DAG1: variants seen among roughly 807,000 people sequenced by gnomAD.
DAG1 encodes dystroglycan 1.
Under a neutral mutation model 46.1 loss-of-function variants are expected in DAG1, and 8 were observed. The observed-to-expected ratio is 0.17, with a 90% confidence interval of 0.10 to 0.31. The LOEUF (loss-of-function observed/expected upper bound fraction) is 0.31, where lower values mean the gene tolerates loss of function less well. Ranked by LOEUF, DAG1 falls within the 10% of genes least tolerant of loss-of-function variation. The pLI is 1.00. For synonymous variants in DAG1, 495 were observed against 481.8 expected (o/e 1.03, Z -0.36); for missense variants, 1,003 against 1,189.9 (o/e 0.84, Z 2.31).
chr3:49,526,104 G>A (rs1418248882), intron 2 of DAG1, among the ~76,000 whole-genome samples: 1 of 152,192 alleles, frequency 6.6e-6, no homozygotes, highest in Non-Finnish European at 1.5e-5. Context: ...ACCCACCTCA[G>A]CCTCCCAAAG....
Position 49,528,865 on chromosome 3 carries a change from T to C in DAG1, c.286-1932T>C, listed in dbSNP as rs535655015. 1.7e-3 allele frequency among the ~76,000 whole-genome samples: 253 copies of C among 151,928 alleles called. 1 individual carries two copies. The highest frequency in any genetic ancestry group is 5.4e-3 in the African/African-American group (225 of 41,414). On this transcript the variant is annotated intron_variant, in intron 2 of 2. Transcript: ENST00000308775. ...ATAATAACGCCTTTTTTTTTTTTTTTTCTGAGATGGAGTCTCACTCTGTCA... is the reference window on the plus strand; with the variant it reads ...ATAATAACGCCTTTTTTTTTTTTTTCTCTGAGATGGAGTCTCACTCTGTCA...
At chr3:49,485,180 G>A (rs2049990727) in intron 1 of DAG1, among the ~76,000 whole-genome samples, 1 of 151,992 alleles carries the variant, frequency 6.6e-6, no homozygotes, top group Non-Finnish European at 1.5e-5. Context: ...GTAGAGATGG[G>A]GTTTCACCGT....
rs540055669 is a variant in DAG1, at chr3:49,496,261, C to T, written c.-116-14158C>T. On this transcript the variant is annotated intron_variant, in intron 1 of 2. Coordinates refer to ENST00000308775, the MANE Select transcript of DAG1 (RefSeq NM_004393.6). ...AGTCATGGCTCATGGCAGCCTCAAC[C>T]TCCCAGGCTCAAGCAGTCCTCCCAC... Among the ~76,000 whole-genome samples the T allele has an allele frequency of 2.0e-5, 3 of 152,234 alleles. No homozygotes were observed. The East Asian group carries it at 5.8e-4, about 29-fold the overall frequency.
At chr3:49,529,621 G>A (rs927725318) in intron 2 of DAG1, among the ~76,000 whole-genome samples, 4 of 152,194 alleles carry the variant, frequency 2.6e-5, no homozygotes, top group African/African-American at 9.7e-5. Flanking sequence ...GTCCTAAGCT[G>A]AGTCTGGGAG....
At chr3:49,500,221 C>A (rs1156717247) in intron 1 of DAG1, among the ~76,000 whole-genome samples, 1 of 152,068 alleles carries the variant, frequency 6.6e-6, no homozygotes, top group Admixed American at 6.6e-5. Flanking sequence ...CCATGTTGGC[C>A]GGGCTGGTCT....
intron 1 of DAG1, among the ~76,000 whole-genome samples, chr3:49,476,627 A>T (rs1045947305): frequency 2.0e-5 from 3 of 152,174 alleles, no homozygotes; most frequent in Non-Finnish European, 4.4e-5. Context: ...TGTCTAAAAT[A>T]CACTGAAATT....
chr3:49,482,973 G>T lies in DAG1; in HGVS notation c.-117+12540G>T, dbSNP rs949222112. Among the ~76,000 whole-genome samples, 3 of 152,106 alleles carry T rather than the reference G, an allele frequency of 2.0e-5. No homozygotes were observed. The East Asian group carries it at 5.8e-4, about 29-fold the overall frequency. On this transcript the variant is annotated intron_variant, in intron 1 of 2. Transcript: ENST00000308775. ...ATAAACACCTCTGTTAATTAGCTCAGTTGTTCTCCAGGGATAGATTGATTC... is the reference window on the plus strand; with the variant it reads ...ATAAACACCTCTGTTAATTAGCTCATTTGTTCTCCAGGGATAGATTGATTC...
chr3:49,479,484 A>G (rs1433704185), intron 1 of DAG1, among the ~76,000 whole-genome samples: 1 of 150,344 alleles, frequency 6.7e-6, no homozygotes, highest in Non-Finnish European at 1.5e-5. Context: ...TAATTTTTAT[A>G]TATTCAGTAG....
chr3:49,510,791 T>G lies in DAG1; in HGVS notation c.257T>G (p.Leu86Trp), dbSNP rs1269120035. The G allele has an allele frequency of 1.2e-6, 2 of 1,614,076 alleles. No individual in the cohort carries two copies. Among genetic ancestry groups the G allele is most frequent in the Non-Finnish European group, 1.7e-6 (2 of 1,180,040 alleles). Residue 86 changes from leucine to tryptophan, a missense_variant, in exon 2 of 3, where the codon TTG (leucine) becomes TGG (tryptophan). Physicochemically the swap from Leu to Trp is moderately conservative, Grantham distance 61. Coordinates refer to ENST00000308775, the MANE Select transcript of DAG1 (RefSeq NM_004393.6). ...RSFRVTIPTD[L>W]IASSGDIIKV... is the part of the protein sequence containing the mutation. ...TTTCGAGTGACCATTCCAACAGATT[T>G]GATTGCCTCCAGTGGAGATATCATC...
intron 2 of DAG1, among the ~76,000 whole-genome samples, chr3:49,528,314 T>G (rs1450392460): frequency 8.2e-6 from 1 of 121,576 alleles, no homozygotes; most frequent in Non-Finnish European, 1.7e-5. Context: ...GGACAGAGTC[T>G]CACTCTGTCA....
At chr3:49,517,445 TGCCTCTG>T (rs2050927595) in intron 2 of DAG1, among the ~76,000 whole-genome samples, 1 of 152,204 alleles carries the variant, frequency 6.6e-6, no homozygotes, top group African/African-American at 2.4e-5. Context: ...TCTGTTACCG[TGCCTCTG>T]ACCTCTGACA....
intron 2 of DAG1, among the ~76,000 whole-genome samples, chr3:49,513,161 G>A (rs1481259671): frequency 6.6e-6 from 1 of 151,974 alleles, no homozygotes; most frequent in Non-Finnish European, 1.5e-5. Context: ...GCTCACCTGG[G>A]GCTGGGGAAT....
upstream of DAG1, among the ~76,000 whole-genome samples, chr3:49,469,386 G>T (rs1259987354): frequency 2.6e-5 from 4 of 152,204 alleles, no homozygotes; most frequent in Non-Finnish European, 1.5e-5. Flanking sequence ...GGCTTTTGGG[G>T]TGGGGGGCTG....
At chr3:49,522,981 G>T (rs1225475562) in intron 2 of DAG1, among the ~76,000 whole-genome samples, 2 of 152,174 alleles carry the variant, frequency 1.3e-5, no homozygotes, top group African/African-American at 2.4e-5. Context: ...TTTGGTGTTG[G>T]CTGGTAGAGA....
At chr3:49,501,967 A>G (rs1011798512) in intron 1 of DAG1, among the ~76,000 whole-genome samples, 4 of 152,220 alleles carry the variant, frequency 2.6e-5, no homozygotes, top group Admixed American at 1.3e-4. Flanking sequence ...GCTTGAGCCC[A>G]TGAGTTTGAA....
rs2049471221 is a variant in DAG1, at chr3:49,470,308, T to C, written c.-242T>C. On this transcript the variant is annotated 5_prime_UTR_variant, in exon 1 of 3. Transcript: ENST00000308775. ...TCGCGCGAAGGCTGCGGCGCGGCGCTCGCGCCTCTTAGGCTTGGCGGTGGC... is the reference window on the plus strand; with the variant it reads ...TCGCGCGAAGGCTGCGGCGCGGCGCCCGCGCCTCTTAGGCTTGGCGGTGGC... 2 of 152,080 alleles carry C rather than the reference T, an allele frequency of 1.3e-5. No individual in the cohort carries two copies. Among genetic ancestry groups the C allele is most frequent in the Admixed American group, 6.5e-5 (1 of 15,268 alleles). 9.4% of individuals were successfully genotyped at this position (152,080 alleles called of 1,614,324 possible).
intron 2 of DAG1, among the ~76,000 whole-genome samples, chr3:49,520,808 T>C (rs150388019): frequency 1.3e-5 from 2 of 152,336 alleles, no homozygotes; most frequent in African/African-American, 4.8e-5. Flanking sequence ...CATCATCAGC[T>C]GTGAAAGTGC....
chr3:49,507,812 T>TA (rs1034330721), intron 1 of DAG1, among the ~76,000 whole-genome samples: 1 of 151,414 alleles, frequency 6.6e-6, no homozygotes, highest in African/African-American at 2.4e-5. Flanking sequence ...ACTTCTGTCT[T>TA]AAAAAAAAAT....
At chr3:49,518,064 G>A (rs1256621211) in intron 2 of DAG1, among the ~76,000 whole-genome samples, 1 of 152,218 alleles carries the variant, frequency 6.6e-6, no homozygotes, top group African/African-American at 2.4e-5. Flanking sequence ...AAGTATCAGA[G>A]GAAGAAGAAG....
Sources: gnomAD v4.1 joint callset for allele counts (sites outside exome capture counted in the v4.1 genomes callset) on GRCh38, gnomAD v4.1.1 for gene constraint, MANE v1.5 for transcripts, NCBI Gene and HGNC (gene_info 2026-07-23, HGNC 2026-07-21) for gene names.